HERC4: variants seen among roughly 807,000 people sequenced by gnomAD.
The protein encoded by HERC4 is HECT and RLD domain containing E3 ubiquitin protein ligase 4, also known as probable E3 ubiquitin-protein ligase HERC4.
In HERC4, 28 loss-of-function variants were observed where a neutral mutation model predicts 124.3. The observed-to-expected ratio is 0.23, with a 90% CI of 0.17 to 0.31. The LOEUF (loss-of-function observed/expected upper bound fraction) is 0.31, where lower values mean the gene tolerates loss of function less well. Ranked by LOEUF, HERC4 falls within the 10% of genes least tolerant of loss-of-function variation. The probability of loss-of-function intolerance (pLI) is 1.00; values close to 1 mark genes in which losing one functional copy is unlikely to be tolerated. For missense variants in HERC4, 713 were observed against 1,229.3 expected (o/e 0.58, Z 6.28); for synonymous variants, 407 against 421.5 (o/e 0.97, Z 0.42).
intron 4 of HERC4, chr10:68,039,547 G>GT (rs2039656922): frequency 1.3e-6 from 2 of 1,541,884 alleles, no homozygotes; most frequent in African/African-American, 2.8e-5. Context: ...CCATATTATT[G>GT]TATTAAAAAT....
chr10:68,028,013 A>T (rs2038995720), intron 7 of HERC4, among the ~76,000 whole-genome samples: 1 of 147,998 alleles, frequency 6.8e-6, no homozygotes, highest in Non-Finnish European at 1.5e-5. Context: ...TATATAATAA[A>T]AATAAGTCAA....
chr10:68,051,680 ACTTTT>A (rs1356581656), intron 3 of HERC4, among the ~76,000 whole-genome samples: 7 of 142,270 alleles, frequency 4.9e-5, no homozygotes, highest in East Asian at 4.1e-4. Context: ...TATTCTTTCA[ACTTTT>A]CTTTTCTTTT....
chr10:68,040,274 C>A (rs1190796126), intron 4 of HERC4: 1 of 981,534 alleles, frequency 1.0e-6, no homozygotes. Context: ...CCATTATATG[C>A]TACAGAGACC....
intron 19 of HERC4, among the ~76,000 whole-genome samples, chr10:67,941,582 AAT>A (rs2032895137): frequency 6.6e-6 from 1 of 152,038 alleles, no homozygotes; most frequent in Non-Finnish European, 1.5e-5. Flanking sequence ...AGCTCAGAAA[AAT>A]ATTTTTAATA....
intron 16 of HERC4, among the ~76,000 whole-genome samples, chr10:67,957,261 G>A (rs1421427964): frequency 6.6e-5 from 10 of 152,194 alleles, no homozygotes; most frequent in African/African-American, 2.4e-4. Context: ...CTCAGTGAAT[G>A]AGGTTGCAAA....
chr10:68,047,196 T>C (rs1458822311), intron 3 of HERC4, among the ~76,000 whole-genome samples: 3 of 105,428 alleles, frequency 2.8e-5, no homozygotes, highest in African/African-American at 7.4e-5. Context: ...ATTGACTTCT[T>C]AGGGAAAAAA....
At chr10:68,048,380 A>C (rs1013754414) in intron 3 of HERC4, among the ~76,000 whole-genome samples, 1 of 152,208 alleles carries the variant, frequency 6.6e-6, no homozygotes, top group African/African-American at 2.4e-5. Context: ...ACATGGAAGA[A>C]ATTTACTTAA....
chr10:68,013,645 G>A (rs189260693), intron 9 of HERC4, among the ~76,000 whole-genome samples: 5 of 152,286 alleles, frequency 3.3e-5, no homozygotes, highest in African/African-American at 1.2e-4. Flanking sequence ...GATGAAAAGA[G>A]TTCTGGAGAT....
At chr10:68,010,731 T>C (rs1465320724) in intron 9 of HERC4, 3 of 1,488,118 alleles carry the variant, frequency 2.0e-6, no homozygotes, top group African/African-American at 2.8e-5. Context: ...AAGAGGCAGA[T>C]GGTCGTTTGG....
Position 67,922,047 on chromosome 10 carries a change from T to A in HERC4, c.*884A>T, listed in dbSNP as rs748330082. 2.0e-5 allele frequency: 3 copies of A among 152,320 alleles called. No homozygotes were observed. Among genetic ancestry groups the A allele is most frequent in the Non-Finnish European group, 2.9e-5 (2 of 68,022 alleles). 9.4% of individuals were successfully genotyped at this position (152,320 alleles called of 1,614,324 possible). ...TTACAATTTAATGGCATGAGACAAC[T>A]AAGCATCAGCACCATAAAACTGTTA... On this transcript the variant is annotated 3_prime_UTR_variant, in exon 25 of 25. Transcript: ENST00000373700.
At chr10:67,935,601 A>C (rs1466432755) in intron 22 of HERC4, among the ~76,000 whole-genome samples, 2 of 152,174 alleles carry the variant, frequency 1.3e-5, no homozygotes, top group African/African-American at 4.8e-5. Context: ...CCTCAAACCC[A>C]CAGTCTCTTT....
At chr10:67,999,112 C>T (rs1302416708) in intron 9 of HERC4, among the ~76,000 whole-genome samples, 1 of 152,062 alleles carries the variant, frequency 6.6e-6, no homozygotes, top group Non-Finnish European at 1.5e-5. Context: ...TTTTGATATT[C>T]TTGTGTATAC....
intron 9 of HERC4, among the ~76,000 whole-genome samples, chr10:68,006,949 G>A (rs2037606543): frequency 6.6e-6 from 1 of 152,050 alleles, no homozygotes; most frequent in East Asian, 1.9e-4. Flanking sequence ...AATGTCTTGA[G>A]GTAGTCTTAT....
At chr10:68,013,234 G>A (rs2038073270) in intron 9 of HERC4, among the ~76,000 whole-genome samples, 1 of 152,178 alleles carries the variant, frequency 6.6e-6, no homozygotes, top group African/African-American at 2.4e-5. Context: ...ACACTTAGTA[G>A]ACTACAATAT....
chr10:68,061,804 C>T (rs2041032000), intron 3 of HERC4, among the ~76,000 whole-genome samples: 2 of 140,792 alleles, frequency 1.4e-5, no homozygotes, highest in Admixed American at 1.5e-4. Context: ...TCGCTTGAAC[C>T]TTGGAGGCGG....
At chr10:68,052,668 A>G (rs1023991302) in intron 3 of HERC4, among the ~76,000 whole-genome samples, 3 of 152,202 alleles carry the variant, frequency 2.0e-5, no homozygotes, top group African/African-American at 7.2e-5. Context: ...GGACCTCAGA[A>G]ATATTATCAA....
intron 7 of HERC4, among the ~76,000 whole-genome samples, chr10:68,027,190 TTAC>T (rs1241102066): frequency 6.6e-6 from 1 of 152,254 alleles, no homozygotes; most frequent in Non-Finnish European, 1.5e-5. Flanking sequence ...TTTAATAGCG[TTAC>T]TACATACTGT....
intron 3 of HERC4, among the ~76,000 whole-genome samples, chr10:68,059,873 A>AATATTATATATCATAATATATATT (rs1564610144): frequency 1.4e-5 from 1 of 73,536 alleles, no homozygotes; most frequent in African/African-American, 1.4e-4. Context: ...TATATATTAT[A>AATATTATATATCATAATATATATT]ATAATATTAT....
chr10:68,002,152 T>C (rs983567273), intron 9 of HERC4, among the ~76,000 whole-genome samples: 3 of 151,466 alleles, frequency 2.0e-5, no homozygotes, highest in African/African-American at 7.2e-5. Context: ...AATATGAGCT[T>C]AACTGAAAAA....
Sources: allele counts gnomAD v4.1 joint callset (sites outside exome capture counted in the v4.1 genomes callset), GRCh38; gene constraint gnomAD v4.1.1; transcripts MANE v1.5; gene names NCBI Gene and HGNC (gene_info 2026-07-23, HGNC 2026-07-21).